The following PDZD2 variants were observed in gnomAD, a reference collection of about 807,000 sequenced individuals.
PDZD2 encodes the protein PDZ domain containing 2.
In PDZD2, 90 loss-of-function variants were observed where a neutral mutation model predicts 220.7. That is an observed-to-expected ratio of 0.41 (90% confidence interval 0.34 to 0.49). The LOEUF (loss-of-function observed/expected upper bound fraction) is 0.49, where lower values mean the gene tolerates loss of function less well. Ranked by LOEUF, PDZD2 falls within the 20% of genes least tolerant of loss-of-function variation. The pLI, the probability that PDZD2 is intolerant of heterozygous loss-of-function variation, is 0.28. For synonymous variants in PDZD2, 1,375 were observed against 1,450.5 expected, an observed-to-expected ratio of 0.95 and a Z score of 1.18; for missense variants, 3,174 against 3,608.5, an observed-to-expected ratio of 0.88 and a Z score of 3.08.
At chr5:31,756,818 C>T (rs956898511) in intron 1 of PDZD2, among the ~76,000 whole-genome samples, 2 of 152,208 alleles carry the variant, frequency 1.3e-5, no homozygotes, top group Non-Finnish European at 2.9e-5. Flanking sequence ...CCCTGCTGGG[C>T]GCCATGCAAA....
intron 3 of PDZD2, among the ~76,000 whole-genome samples, chr5:31,991,141 T>C (rs773586200): frequency 6.6e-6 from 1 of 152,190 alleles, no homozygotes; most frequent in African/African-American, 2.4e-5. Flanking sequence ...TTGAACCTTA[T>C]TCTCGGTCCT....
At chr5:31,916,855 G>A (rs957563987) in intron 2 of PDZD2, among the ~76,000 whole-genome samples, 1 of 152,152 alleles carries the variant, frequency 6.6e-6, no homozygotes, top group Non-Finnish European at 1.5e-5. Flanking sequence ...GAGTGAGTGT[G>A]AGCCTCCTAC....
intron 1 of PDZD2, among the ~76,000 whole-genome samples, chr5:31,681,971 C>T (rs1055003789): frequency 6.6e-6 from 1 of 152,120 alleles, no homozygotes. Flanking sequence ...TTACCAGAAG[C>T]GGAAAATGCA....
At chr5:31,854,343 G>T (rs1393150627) in intron 2 of PDZD2, among the ~76,000 whole-genome samples, 1 of 152,220 alleles carries the variant, frequency 6.6e-6, no homozygotes, top group Admixed American at 6.5e-5. Context: ...CAGAAGGTGG[G>T]AGGGGTAGGG....
intron 21 of PDZD2, among the ~76,000 whole-genome samples, chr5:32,096,829 A>ATTTTTTTTTTTTTTTT (rs71831480): frequency 2.1e-5 from 2 of 96,832 alleles, no homozygotes; most frequent in Non-Finnish European, 3.8e-5. Context: ...ATGTACTATG[A>ATTTTTTTTTTTTTTTT]TTTTTTTTTT....
intron 3 of PDZD2, among the ~76,000 whole-genome samples, chr5:31,987,137 G>T (rs1037598254): frequency 6.6e-6 from 1 of 152,010 alleles, no homozygotes; most frequent in Non-Finnish European, 1.5e-5. Context: ...GAGTTTTTGC[G>T]AGTCTGCTTA....
intron 2 of PDZD2, among the ~76,000 whole-genome samples, chr5:31,919,876 C>T (rs1744054601): frequency 6.9e-6 from 1 of 145,844 alleles, no homozygotes; most frequent in South Asian, 2.2e-4. Flanking sequence ...TTTTATGAAC[C>T]AGGCGTGGTG....
Position 32,072,213 on chromosome 5 carries a change from C to T in PDZD2, c.2621C>T (p.Pro874Leu), listed in dbSNP as rs1740816010. 1 of 1,613,442 alleles carries T rather than the reference C, an allele frequency of 6.2e-7. No homozygotes were observed. Among genetic ancestry groups the T allele is most frequent in the Admixed American group, 1.7e-5 (1 of 60,006 alleles). The part of the protein sequence containing the change: ...ELSQYFAHDV[P>L]GPLSDFMVAG... Reference sequence around the variant, plus strand: ...TCCCAGTACTTTGCCCACGATGTCCCTGGCCCCTTGTCAGACTTCATGGTG... The same window carrying T: ...TCCCAGTACTTTGCCCACGATGTCCTTGGCCCCTTGTCAGACTTCATGGTG... Residue 874 changes from proline to leucine, a missense_variant, in exon 17 of 25, where the codon CCT becomes CTT. By Grantham distance (98) the Pro-to-Leu change is moderately conservative (BLOSUM62 -3). Transcript: ENST00000438447.
chr5:31,821,384 A>AT (rs1035914962), intron 2 of PDZD2, among the ~76,000 whole-genome samples: 23 of 51,890 alleles, frequency 4.4e-4, no homozygotes, highest in African/African-American at 6.9e-4. Flanking sequence ...AGTTATTATT[A>AT]TTATTTTTTT....
intron 2 of PDZD2, among the ~76,000 whole-genome samples, chr5:31,940,657 C>T (rs1420533075): frequency 4.6e-5 from 7 of 152,178 alleles, no homozygotes; most frequent in Admixed American, 6.5e-5. Flanking sequence ...TACACCCAGA[C>T]CATCTCTTTG....
At chr5:31,975,227 G>A (rs772649096) in intron 2 of PDZD2, among the ~76,000 whole-genome samples, 3 of 152,176 alleles carry the variant, frequency 2.0e-5, no homozygotes, top group African/African-American at 7.2e-5. Flanking sequence ...AGTTCCATGT[G>A]GCTGAGGAGG....
At chr5:31,753,279 T>A (rs537298727) in intron 1 of PDZD2, among the ~76,000 whole-genome samples, 51 of 152,294 alleles carry the variant, frequency 3.3e-4, no homozygotes, top group Admixed American at 1.2e-3. Context: ...GGGGCACGGA[T>A]GCAGGTTTTC....
intron 2 of PDZD2, among the ~76,000 whole-genome samples, chr5:31,834,879 A>G (rs1756854946): frequency 6.7e-6 from 1 of 150,212 alleles, no homozygotes; most frequent in Non-Finnish European, 1.5e-5. Context: ...AACATAAAGT[A>G]TAATAAAAAT....
chr5:31,780,493 G>A (rs7726024), intron 1 of PDZD2, among the ~76,000 whole-genome samples: 77,227 of 151,980 alleles, frequency 0.51, 19,751 homozygotes, highest in East Asian at 0.6. Flanking sequence ...ATTTTTATTC[G>A]AAGTCAAAGA....
Position 32,087,500 on chromosome 5 carries a change from G to C in PDZD2, c.4052G>C (p.Arg1351Thr). The C allele has an allele frequency of 6.2e-7, 1 of 1,613,332 alleles. No homozygotes were observed. Among genetic ancestry groups the C allele is most frequent in the Non-Finnish European group, 8.5e-7 (1 of 1,179,564 alleles). Residue 1351 changes from arginine to threonine, a missense_variant, in exon 20 of 25, where the codon AGA (arginine) becomes ACA (threonine). By Grantham distance (71) the Arg-to-Thr change is moderately conservative. Around this residue, in one of 4 missense-constraint regions of PDZD2, gnomAD observed 1,861 missense variants for 2,001.0 expected, o/e 0.93. Coordinates refer to ENST00000438447, the MANE Select transcript of PDZD2 (RefSeq NM_178140.4). This position sits in a 1 kb window ranked among gnomAD's most constrained non-coding sequence, Gnocchi z 4.0. ...PGDPLTSQEQ[R>T]QGAPGNHSKA... ...GACCCCCTCACATCCCAGGAGCAGA[G>C]ACAGGGAGCTCCAGGTAACCACAGT...
At chr5:31,697,977 G>A (rs60314336) in intron 1 of PDZD2, among the ~76,000 whole-genome samples, 39,589 of 150,920 alleles carry the variant, frequency 0.26, 5,786 homozygotes, top group African/African-American at 0.41. Context: ...ATCTTGGCTC[G>A]CTGCAACCTT....
At position 31,646,306 on chromosome 5, in the gene PDZD2, T is replaced by C. The variant is rs548297701; in HGVS notation, c.-361+6869T>C. 2.0e-5 allele frequency among the ~76,000 whole-genome samples: 3 copies of C among 152,092 alleles called. No individual in the cohort carries two copies. Among genetic ancestry groups the C allele is most frequent in the African/African-American group, 7.2e-5 (3 of 41,480 alleles). Reference sequence around the variant, plus strand: ...ATATCTTGGGTTGGTGGGTACAAGTTTGAACACCTAGTAATGCCCCTTACC... The same window carrying C: ...ATATCTTGGGTTGGTGGGTACAAGTCTGAACACCTAGTAATGCCCCTTACC... On this transcript the variant is annotated intron_variant, in intron 1 of 24. Transcript: ENST00000438447. This position sits in a 1 kb window ranked among gnomAD's most constrained non-coding sequence, Gnocchi z 4.7.
chr5:32,035,286 A>T (rs1181476800), intron 6 of PDZD2, among the ~76,000 whole-genome samples: 2 of 150,712 alleles, frequency 1.3e-5, no homozygotes, highest in South Asian at 2.1e-4. Context: ...TTTGAGATGG[A>T]GTCTAGCTCT....
At chr5:31,785,950 G>T (rs1023908961) in intron 1 of PDZD2, among the ~76,000 whole-genome samples, 3 of 152,100 alleles carry the variant, frequency 2.0e-5, no homozygotes, top group Non-Finnish European at 2.9e-5. Flanking sequence ...CACATGAGTA[G>T]CAAAGGGGTC....
Sources: gnomAD v4.1 joint callset for allele counts (sites outside exome capture counted in the v4.1 genomes callset) on GRCh38, gnomAD v4.1.1 for gene constraint, gnomAD v4.1.1 regional missense constraint, Gnocchi (gnomAD v3.1) non-coding constraint, MANE v1.5 for transcripts, NCBI Gene and HGNC (gene_info 2026-07-23, HGNC 2026-07-21) for gene names.